Variants in H6PD observed in about 807,000 individuals in gnomAD.
H6PD encodes the protein hexose-6-phosphate dehydrogenase/glucose 1-dehydrogenase, also known as GDH/6PGL endoplasmic bifunctional protein.
H6PD carries 48 observed loss-of-function variants against 61.2 expected under a neutral mutation model. That is an observed-to-expected ratio of 0.78 (90% CI 0.62 to 1.00). The LOEUF (loss-of-function observed/expected upper bound fraction) is 1.00. Ranked by LOEUF, H6PD falls within the 50% of genes least tolerant of loss-of-function variation. H6PD has a pLI of 0.00. For missense variants in H6PD, 1,093 were observed against 1,065.0 expected (o/e 1.03, Z -0.37); for synonymous variants, 480 against 457.9 (o/e 1.05, Z -0.62).
At chr1:9,253,614 A>G (rs989976870) in intron 3 of H6PD, among the ~76,000 whole-genome samples, 2 of 152,214 alleles carry the variant, frequency 1.3e-5, no homozygotes, top group African/African-American at 4.8e-5. Context: ...CACTGATGGC[A>G]TTTCAGGTTT....
chr1:9,243,266 G>C (rs1018207770), intron 1 of H6PD, among the ~76,000 whole-genome samples: 1 of 152,170 alleles, frequency 6.6e-6, no homozygotes, highest in Non-Finnish European at 1.5e-5. Flanking sequence ...AGGGATGGTG[G>C]AGAGGTCATT....
chr1:9,240,699 C>T (rs988977916), intron 1 of H6PD, among the ~76,000 whole-genome samples: 1 of 152,170 alleles, frequency 6.6e-6, no homozygotes, highest in East Asian at 1.9e-4. Context: ...AGAAGTGATT[C>T]GTAGTTGGAT....
intron 1 of H6PD, among the ~76,000 whole-genome samples, chr1:9,236,866 C>G (rs1570071540): frequency 6.6e-6 from 1 of 152,096 alleles, no homozygotes; most frequent in Non-Finnish European, 1.5e-5. Context: ...TCTTATGTAA[C>G]CAGTTCTCCA....
At position 9,247,194 on chromosome 1, in the gene H6PD, C is replaced by G. The variant is rs1479830957; in HGVS notation, c.745+111C>G. On this transcript the variant is annotated intron_variant, in intron 3 of 4. Transcript: ENST00000377403. The stretch of plus-strand genomic sequence containing the variant: ...GGTTTTCTGTGGGTGTGTGGTCTCC[C>G]TTCGAGCCTGCCGTGTGCCTAGCTC... 3.8e-6 allele frequency: 3 copies of G among 798,992 alleles called. No individual in the cohort carries two copies. In the East Asian group the frequency reaches 7.7e-5, roughly 20 times the overall value. 49.5% of individuals were successfully genotyped at this position (798,992 alleles called of 1,614,324 possible). A position where few individuals can be genotyped will look rare whatever the true frequency, so the allele number is the denominator to read the frequency against.
chr1:9,244,837 A>C (rs1438009968), intron 1 of H6PD, 88 bp from the exon 2 acceptor site: 4 of 1,214,364 alleles, frequency 3.3e-6, no homozygotes, highest in Non-Finnish European at 2.4e-6. Flanking sequence ...GTTTCTTGCC[A>C]GGCAGGAAGT....
At chr1:9,259,927 G>A (rs189146732) in intron 3 of H6PD, among the ~76,000 whole-genome samples, 9 of 151,710 alleles carry the variant, frequency 5.9e-5, no homozygotes, top group East Asian at 5.9e-4. Flanking sequence ...GTGTTGTTAC[G>A]TTGTTGTTAT....
intron 3 of H6PD, among the ~76,000 whole-genome samples, chr1:9,251,644 C>T (rs1312168793): frequency 6.6e-6 from 1 of 152,072 alleles, no homozygotes; most frequent in Non-Finnish European, 1.5e-5. Context: ...CACCAGCTGT[C>T]CCGCCTTCCA....
intron 3 of H6PD, among the ~76,000 whole-genome samples, chr1:9,258,720 GTGT>G (rs371796179): frequency 7.2e-5 from 11 of 152,128 alleles, no homozygotes; most frequent in African/African-American, 1.9e-4. Flanking sequence ...TGTTACACCG[GTGT>G]TGTTATGTTG....
intron 3 of H6PD, among the ~76,000 whole-genome samples, chr1:9,249,045 C>G (rs1018965652): frequency 2.6e-5 from 4 of 152,226 alleles, no homozygotes; most frequent in Admixed American, 2.6e-4. Flanking sequence ...CCTGCTGAAG[C>G]CAGCGGGCCG....
intron 3 of H6PD, among the ~76,000 whole-genome samples, chr1:9,252,352 ATG>A: frequency 6.6e-6 from 1 of 152,298 alleles, no homozygotes; most frequent in Non-Finnish European, 1.5e-5. Context: ...ACCACAGAAT[ATG>A]TGTTATAAAC....
intron 1 of H6PD, among the ~76,000 whole-genome samples, chr1:9,244,532 C>G (rs755909572): frequency 6.6e-6 from 1 of 152,232 alleles, no homozygotes; most frequent in Non-Finnish European, 1.5e-5. Context: ...TATACCTAGG[C>G]TGGGGCTGCC....
Position 9,264,419 on chromosome 1 carries a change from G to C in H6PD, c.1926G>C (p.Gln642His). 6.2e-7 allele frequency: 1 copy of C among 1,613,122 alleles called. No individual in the cohort carries two copies. Among genetic ancestry groups the C allele is most frequent in the African/African-American group, 1.3e-5 (1 of 75,068 alleles). Residue 642 changes from glutamine (Q) to histidine (H), a missense_variant, in exon 5 of 5, where the codon CAG becomes CAC. Gln to His is a conservative substitution (Grantham distance 24). Coordinates refer to ENST00000377403, the MANE Select transcript of H6PD (RefSeq NM_004285.4). ...NFQGLQAHLL[Q>H]HVRIPYYNIH... The stretch of plus-strand genomic sequence containing the variant: ...AGGGCCTGCAGGCCCACCTGCTGCA[G>C]CACGTCCGGATCCCCTACTACAACA...
In H6PD at chr1:9,245,169, A is replaced by G. The variant is rs781368927; in HGVS notation, c.235A>G (p.Lys79Glu). 8.7e-6 allele frequency: 14 copies of G among 1,614,096 alleles called. No individual in the cohort carries two copies. The highest frequency in any genetic ancestry group is 1.2e-5 in the Non-Finnish European group (14 of 1,180,042). ...APKQGQELMA[K>E]ALESLSCPKD... ...CAAGCAGGGTCAAGAGCTCATGGCC[A>G]AGGCCCTGGAATCCCTCTCCTGCCC... The change falls in exon 2 of 5, where the codon AAG becomes GAG. Residue 79 changes from lysine (K) to glutamate (E), a missense_variant. By Grantham distance (56) the Lys-to-Glu change is moderately conservative (BLOSUM62 1). Transcript: ENST00000377403. The surrounding 1 kb of genome is among the most constrained non-coding windows in gnomAD (Gnocchi z 4.8).
intron 3 of H6PD, among the ~76,000 whole-genome samples, chr1:9,260,611 T>C (rs1464885436): frequency 6.6e-6 from 1 of 152,122 alleles, no homozygotes; most frequent in African/African-American, 2.4e-5. Flanking sequence ...GTTATTCTGA[T>C]GTTGTTATGT....
At position 9,262,312 on chromosome 1, in the gene H6PD, G is replaced by A; in HGVS notation, c.999G>A (p.Leu333=). 6.2e-7 allele frequency: 1 copy of A among 1,605,606 alleles called. No individual in the cohort carries two copies. The highest frequency in any genetic ancestry group is 1.3e-5 in the African/African-American group (1 of 74,896). Residue 333 remains leucine (L), a synonymous_variant, in exon 4 of 5, where the codon CTG becomes CTA. Coordinates refer to ENST00000377403, the MANE Select transcript of H6PD (RefSeq NM_004285.4). ...ELQKPDSFHS[L]TPTFAAVLVH... is the part of the protein sequence containing the mutation. ...AGAAGCCAGACAGCTTCCACAGCCT[G>A]ACGCCGACCTTCGCAGGTGGGCCCT...
intron 4 of H6PD, among the ~76,000 whole-genome samples, chr1:9,262,531 C>G (rs925364674): frequency 6.6e-6 from 1 of 152,214 alleles, no homozygotes; most frequent in African/African-American, 2.4e-5. Flanking sequence ...GCCCTCAGGG[C>G]GAAGGACATC....
At chr1:9,262,633 C>T (rs1293906400) in intron 4 of H6PD, among the ~76,000 whole-genome samples, 1 of 152,204 alleles carries the variant, frequency 6.6e-6, no homozygotes, top group East Asian at 1.9e-4. Flanking sequence ...TGGTTCCTGC[C>T]TCATAGGGTC....
In H6PD at chr1:9,244,982, C is replaced by T. The variant is rs1570087797; in HGVS notation, c.48C>T (p.Cys16=). 1 of 1,613,666 alleles carries T rather than the reference C, an allele frequency of 6.2e-7. No homozygotes were observed. Among genetic ancestry groups the T allele is most frequent in the South Asian group, 1.1e-5 (1 of 91,078 alleles). ...CGATGTGCTTGGCCCTTCTGGGCTG[C>T]CTGCAAGCCCAGGAGCTCCAGGGAC... ...IVAMCLALLG[C]LQAQELQGHV... is the part of the protein sequence containing the mutation. The change falls in exon 2 of 5, where the codon TGC becomes TGT. Residue 16 remains cysteine (C), a synonymous_variant. Coordinates refer to ENST00000377403, the MANE Select transcript of H6PD (RefSeq NM_004285.4).
Position 9,265,196 on chromosome 1 carries a change from C to T in H6PD, c.*327C>T. 1 of 436,880 alleles carries T rather than the reference C, an allele frequency of 2.3e-6. No individual in the cohort carries two copies. 27.1% of individuals were successfully genotyped at this position (436,880 alleles called of 1,614,324 possible). ...AGCACAACACGGGATGGCGCCCAAACTCCGGCGTTCACAAGAGGAGACGTG... is the reference window on the plus strand; with the variant it reads ...AGCACAACACGGGATGGCGCCCAAATTCCGGCGTTCACAAGAGGAGACGTG... On this transcript the variant is annotated 3_prime_UTR_variant, in exon 5 of 5. Coordinates refer to ENST00000377403, the MANE Select transcript of H6PD (RefSeq NM_004285.4).
Sources: gnomAD v4.1 joint callset for allele counts (sites outside exome capture counted in the v4.1 genomes callset) on GRCh38, gnomAD v4.1.1 for gene constraint, Gnocchi (gnomAD v3.1) non-coding constraint, MANE v1.5 for transcripts, NCBI Gene and HGNC (gene_info 2026-07-23, HGNC 2026-07-21) for gene names.